Variants in TIAM2 observed in about 807,000 individuals in gnomAD.
TIAM2 encodes the protein rho guanine nucleotide exchange factor TIAM2.
TIAM2 carries 80 observed loss-of-function variants against 152.9 expected under a neutral mutation model. The ratio of observed to expected loss-of-function variants is 0.52; its 90% confidence interval spans 0.44 to 0.63. The LOEUF (loss-of-function observed/expected upper bound fraction) is 0.63. Among genes scored for constraint, TIAM2 ranks in the 30% least tolerant of loss-of-function variants. The pLI is 0.00. For missense variants in TIAM2, 1,965 were observed against 2,120.1 expected, an observed-to-expected ratio of 0.93 and a Z score of 1.44; for synonymous variants, 804 against 838.0, an observed-to-expected ratio of 0.96 and a Z score of 0.70.
intron 6 of TIAM2, among the ~76,000 whole-genome samples, chr6:155,146,729 G>A (rs1214502717): frequency 1.3e-5 from 2 of 150,134 alleles, no homozygotes; most frequent in African/African-American, 4.9e-5. Flanking sequence ...AGCTTCCTAA[G>A]TAGCTGGGAT....
At chr6:155,095,234 T>C (rs979377086) in intron 2 of TIAM2, among the ~76,000 whole-genome samples, 16 of 151,790 alleles carry the variant, frequency 1.1e-4, no homozygotes, top group African/African-American at 3.9e-4. Context: ...ACCGAGGGAG[T>C]GGGCTCAATG....
chr6:155,012,036 A>G (rs1297596595), intron 1 of TIAM2, among the ~76,000 whole-genome samples: 2 of 152,216 alleles, frequency 1.3e-5, no homozygotes, highest in African/African-American at 2.4e-5. Flanking sequence ...CTCCAAGAGA[A>G]GTATTGTAAA....
intron 1 of TIAM2, among the ~76,000 whole-genome samples, chr6:155,008,317 G>A (rs769817250): frequency 7.0e-4 from 107 of 152,158 alleles, no homozygotes; most frequent in Non-Finnish European, 1.2e-3. Context: ...TGGTTAGTCC[G>A]GATAGTGCCT....
intron 7 of TIAM2, among the ~76,000 whole-genome samples, chr6:155,162,615 C>T (rs982771268): frequency 2.0e-5 from 3 of 152,176 alleles, no homozygotes; most frequent in African/African-American, 7.2e-5. Flanking sequence ...TAGCGTAGAA[C>T]AGGAGTCATC....
chr6:155,144,784 G>A lies in TIAM2; in HGVS notation c.1803+6G>A, dbSNP rs753810993. The A allele has an allele frequency of 1.2e-6, 2 of 1,602,940 alleles. No individual in the cohort carries two copies. The highest frequency in any genetic ancestry group is 2.3e-5 in the South Asian group (2 of 88,216). Reference sequence around the variant, plus strand: ...GAGATGTCTACCTTTTCCAGGTACTGCTGGTACTTTGTAAGTGGAGGTAAT... The same window carrying A: ...GAGATGTCTACCTTTTCCAGGTACTACTGGTACTTTGTAAGTGGAGGTAAT... On this transcript the variant is annotated splice_donor_region_variant and intron_variant, in intron 6 of 26. Coordinates refer to ENST00000682666, the MANE Select transcript of TIAM2 (RefSeq NM_012454.4).
chr6:155,144,556 C>T, intron 5 of TIAM2, 50 bp from the exon 6 acceptor site: 2 of 1,440,828 alleles, frequency 1.4e-6, no homozygotes, highest in Admixed American at 2.9e-5. Flanking sequence ...CAGTCCTTTC[C>T]TGCATCTCCA....
At chr6:155,010,850 T>G (rs1239635074) in intron 1 of TIAM2, among the ~76,000 whole-genome samples, 1 of 152,116 alleles carries the variant, frequency 6.6e-6, no homozygotes, top group Non-Finnish European at 1.5e-5. Flanking sequence ...CCTCCCAAAG[T>G]GCTGGGCCTG....
intron 1 of TIAM2, among the ~76,000 whole-genome samples, chr6:154,999,766 G>A (rs1483057718): frequency 4.6e-5 from 7 of 150,916 alleles, no homozygotes; most frequent in East Asian, 4.0e-4. Flanking sequence ...TCTGCCTCCC[G>A]GGTCCTGGTT....
chr6:155,257,183 G>C lies in TIAM2; in HGVS notation c.*62G>C. ...TTACTTTTAAACTGGTGGTAAAGTGGAAATTGCAAAAAAAAAAAAAAAAAA... is the reference window on the plus strand; with the variant it reads ...TTACTTTTAAACTGGTGGTAAAGTGCAAATTGCAAAAAAAAAAAAAAAAAA... On this transcript the variant is annotated 3_prime_UTR_variant, in exon 27 of 27. Transcript: ENST00000682666. 1.8e-5 allele frequency: 13 copies of C among 720,172 alleles called. No homozygotes were observed. The highest frequency in any genetic ancestry group is 9.3e-5 in the South Asian group (4 of 42,886). The allele number at this position is 720,172 out of a possible 1,614,324, so 44.6% of individuals were successfully genotyped here.
chr6:155,071,667 G>A (rs559543714), intron 1 of TIAM2, among the ~76,000 whole-genome samples: 1 of 152,254 alleles, frequency 6.6e-6, no homozygotes, highest in Non-Finnish European at 1.5e-5. Context: ...CACTTTCAGA[G>A]GCCGATCACC....
chr6:155,173,931 C>T (rs1780700212), intron 9 of TIAM2, among the ~76,000 whole-genome samples: 1 of 152,188 alleles, frequency 6.6e-6, no homozygotes, highest in Non-Finnish European at 1.5e-5. Context: ...ACTGACTCTA[C>T]TTGTAAGGAC....
intron 1 of TIAM2, among the ~76,000 whole-genome samples, chr6:155,077,113 C>T (rs1340214819): frequency 6.6e-6 from 1 of 151,920 alleles, no homozygotes; most frequent in Non-Finnish European, 1.5e-5. Context: ...GTACATTGGG[C>T]TTGAAAAACA....
At chr6:155,243,876 AAGAAT>A in intron 16 of TIAM2, 130 bp from the exon 17 acceptor site, 2 of 356,276 alleles carry the variant, frequency 5.6e-6, no homozygotes, top group Non-Finnish European at 9.9e-6. Context: ...AAAAAAAAAA[AAGAAT>A]TTCAACAAGG....
chr6:155,111,720 C>T (rs947194467), intron 2 of TIAM2, among the ~76,000 whole-genome samples: 3 of 152,176 alleles, frequency 2.0e-5, no homozygotes, highest in Admixed American at 6.5e-5. Flanking sequence ...CCTCTCTCTG[C>T]ACCACATCAC....
At chr6:155,027,977 T>G (rs1406686708) in intron 1 of TIAM2, among the ~76,000 whole-genome samples, 1 of 127,710 alleles carries the variant, frequency 7.8e-6, no homozygotes, top group Non-Finnish European at 1.5e-5. Context: ...ATATAATATA[T>G]GTACTGTGTT....
chr6:155,179,185 C>G, intron 11 of TIAM2, 42 bp downstream of exon 11: 1 of 1,545,916 alleles, frequency 6.5e-7, no homozygotes. Flanking sequence ...TGAACCACAT[C>G]TATGGCCCTT....
intron 1 of TIAM2, among the ~76,000 whole-genome samples, chr6:155,015,596 G>A (rs1370590717): frequency 6.6e-6 from 1 of 152,148 alleles, no homozygotes; most frequent in East Asian, 1.9e-4. Flanking sequence ...TGTCGAAAAA[G>A]AGAATTATTA....
intron 15 of TIAM2, among the ~76,000 whole-genome samples, chr6:155,235,042 G>T (rs1782684502): frequency 6.6e-6 from 1 of 152,146 alleles, no homozygotes; most frequent in South Asian, 2.1e-4. Flanking sequence ...GCTAGAGAGG[G>T]GAACAGAGCT....
chr6:155,216,949 A>G (rs1480583848), intron 15 of TIAM2: 1 of 1,216,422 alleles, frequency 8.2e-7, no homozygotes, highest in African/African-American at 1.6e-5. Flanking sequence ...TTGGAAGAGC[A>G]GTTTGGGATT....
Sources: allele counts gnomAD v4.1 joint callset (sites outside exome capture counted in the v4.1 genomes callset), GRCh38; gene constraint gnomAD v4.1.1; transcripts MANE v1.5; gene names NCBI Gene and HGNC (gene_info 2026-07-23, HGNC 2026-07-21).